The following TMEM255B variants were observed in gnomAD, a reference collection of about 807,000 sequenced individuals.
The protein encoded by TMEM255B is family with sequence similarity 70, member B.
Under a neutral mutation model 34.5 loss-of-function variants are expected in TMEM255B, and 35 were observed. The observed-to-expected ratio is 1.01, with a 90% CI of 0.77 to 1.34. The LOEUF (loss-of-function observed/expected upper bound fraction) is 1.34. Ranked by LOEUF, TMEM255B falls within the 40% of genes most tolerant of loss-of-function variation. The pLI is 0.00. For missense variants in TMEM255B, 432 were observed against 433.2 expected (o/e 1.00, Z 0.02); for synonymous variants, 206 against 201.2 (o/e 1.02, Z -0.20).
intron 3 of TMEM255B, among the ~76,000 whole-genome samples, chr13:113,792,506 C>A (rs7491716): frequency 0.41 from 61,953 of 152,118 alleles, 14,044 homozygotes; most frequent in East Asian, 0.72. Context: ...TTCCAGGACT[C>A]GTTCAGGCCT....
chr13:113,790,004 A>C (rs34186749), intron 3 of TMEM255B, among the ~76,000 whole-genome samples: 7 of 140,574 alleles, frequency 5.0e-5, no homozygotes, highest in African/African-American at 1.9e-4. Flanking sequence ...ACATCCTAGC[A>C]CTGGACTGAC....
At chr13:113,776,613 TCTG>T (rs1451007362) in intron 3 of TMEM255B, among the ~76,000 whole-genome samples, 2 of 152,330 alleles carry the variant, frequency 1.3e-5, no homozygotes, top group Admixed American at 6.5e-5. Flanking sequence ...CCTGTTTTTT[TCTG>T]CTGTCTGAGC....
chr13:113,796,391 AG>A, intron 4 of TMEM255B, among the ~76,000 whole-genome samples: 1 of 146,420 alleles, frequency 6.8e-6, no homozygotes, highest in Non-Finnish European at 1.5e-5. Context: ...CACACCACAC[AG>A]AGCACACACC....
chr13:113,797,536 C>A (rs1026877630), intron 4 of TMEM255B, among the ~76,000 whole-genome samples: 1 of 152,220 alleles, frequency 6.6e-6, no homozygotes, highest in Non-Finnish European at 1.5e-5. Context: ...GAGCCTCTGT[C>A]CCCTTGGGCT....
rs149328822 is a variant in TMEM255B, at chr13:113,759,787, C to T, written c.46+472C>T. ...CTTTTCCTGTTTGAACGTGCAGAGG[C>T]GCTCACAGAACTGGACAGTGTTGCT... is the stretch of plus-strand genomic sequence containing the variant. On this transcript the variant is annotated intron_variant, in intron 1 of 8. Transcript: ENST00000375353. 3.3e-3 allele frequency among the ~76,000 whole-genome samples: 502 copies of T among 152,284 alleles called. 2 individuals are homozygous for T. Among genetic ancestry groups the T allele is most frequent in the Non-Finnish European group, 4.7e-3 (323 of 68,022 alleles).
intron 5 of TMEM255B, chr13:113,799,976 G>C: frequency 7.9e-7 from 1 of 1,269,002 alleles, no homozygotes. Context: ...CTCAGCACGC[G>C]TGTCAGAGGA....
At chr13:113,761,532 G>A (rs1012754381) in intron 1 of TMEM255B, among the ~76,000 whole-genome samples, 1 of 152,124 alleles carries the variant, frequency 6.6e-6, no homozygotes, top group Admixed American at 6.5e-5. Flanking sequence ...AAAAATCAGC[G>A]CACTTGATAG....
At chr13:113,778,603 G>A (rs906282580) in intron 3 of TMEM255B, among the ~76,000 whole-genome samples, 1 of 150,852 alleles carries the variant, frequency 6.6e-6, no homozygotes, top group African/African-American at 2.4e-5. Context: ...CTTCTCCCGG[G>A]TGAGTCTCGA....
At position 113,811,824 on chromosome 13, in the gene TMEM255B, G is replaced by A; in HGVS notation, c.902G>A (p.Gly301Glu). The change falls in exon 9 of 9, where the codon GGG becomes GAG. Residue 301 changes from glycine (G) to glutamate (E), a missense_variant. Coordinates refer to ENST00000375353, the MANE Select transcript of TMEM255B (RefSeq NM_182614.4). ...CCTTCTCCAAGCAGCTCTGGCTCTG[G>A]GCTTCCCGGCCAGGCTCCACCGTGC... ...QPPSPSSSGS[G>E]LPGQAPPCYA... 1 of 1,613,914 alleles carries A rather than the reference G, an allele frequency of 6.2e-7. No homozygotes were observed. Among genetic ancestry groups the A allele is most frequent in the Middle Eastern group, 1.7e-4 (1 of 6,060 alleles).
At chr13:113,803,036 T>A (rs1230080108) in intron 7 of TMEM255B, 1 of 148,086 alleles carries the variant, frequency 6.8e-6, no homozygotes, top group Admixed American at 6.7e-5. Flanking sequence ...TCAGCGGCCG[T>A]CCCAGGAGGA....
Position 113,795,042 on chromosome 13 carries a change from G to A in TMEM255B, c.253-106G>A, listed in dbSNP as rs565913579. ...CGAAAGGTAGAGGTGAGAAGAGGCA[G>A]TTCTGTGAAAGAAGCCCCGACCTCG... On this transcript the variant is annotated intron_variant, in intron 3 of 8. Transcript: ENST00000375353. 30 of 992,238 alleles carry A rather than the reference G, an allele frequency of 3.0e-5. No individual in the cohort carries two copies. The East Asian group carries it at 7.6e-4, about 25-fold the overall frequency. 61.5% of individuals were successfully genotyped at this position (992,238 alleles called of 1,614,324 possible). A position where few individuals can be genotyped will look rare whatever the true frequency, so the allele number is the denominator to read the frequency against.
intron 2 of TMEM255B, 144 bp downstream of exon 2, chr13:113,766,401 C>G: frequency 8.4e-7 from 1 of 1,187,404 alleles, no homozygotes; most frequent in Middle Eastern, 1.9e-4. Flanking sequence ...GGGTTATGGC[C>G]CCCACAGACA....
At chr13:113,772,114 C>A (rs1355276199) in intron 3 of TMEM255B, among the ~76,000 whole-genome samples, 4 of 152,210 alleles carry the variant, frequency 2.6e-5, no homozygotes, top group African/African-American at 9.6e-5. Flanking sequence ...AGCATCTCTT[C>A]ATGTGCCTAT....
At chr13:113,768,079 C>T in intron 2 of TMEM255B, 1 of 412,876 alleles carries the variant, frequency 2.4e-6, no homozygotes. Context: ...AGTCCGGTTT[C>T]CAGTGCATTA....
intron 2 of TMEM255B, chr13:113,768,002 T>C (rs2050417010): frequency 6.4e-6 from 2 of 314,154 alleles, no homozygotes; most frequent in Non-Finnish European, 1.3e-5. Flanking sequence ...GAAAGCCACA[T>C]GTGTACGTGT....
chr13:113,785,469 G>A (rs768714142), intron 3 of TMEM255B, among the ~76,000 whole-genome samples: 9 of 152,172 alleles, frequency 5.9e-5, no homozygotes, highest in African/African-American at 1.9e-4. Context: ...TTTGCTCCTC[G>A]TCCTACCTCT....
At chr13:113,759,627 C>G (rs559609302) in intron 1 of TMEM255B, among the ~76,000 whole-genome samples, 2 of 152,196 alleles carry the variant, frequency 1.3e-5, no homozygotes, top group South Asian at 2.1e-4. Flanking sequence ...GTGTCCGTTC[C>G]TCTTGGCCTC....
chr13:113,759,677 C>T (rs746249373), intron 1 of TMEM255B, among the ~76,000 whole-genome samples: 1 of 152,220 alleles, frequency 6.6e-6, no homozygotes, highest in Non-Finnish European at 1.5e-5. Context: ...ACAGGCGCCC[C>T]AAAGTGCGCT....
Position 113,770,366 on chromosome 13 carries a change from C to T in TMEM255B, c.252+1206C>T, listed in dbSNP as rs760635884. ...CTTCCACCAGGTCCCTCCCACAACACATGAGGATCCAAGATGAGATTTGGG... is the reference window on the plus strand; with the variant it reads ...CTTCCACCAGGTCCCTCCCACAACATATGAGGATCCAAGATGAGATTTGGG... On this transcript the variant is annotated intron_variant, in intron 3 of 8. Coordinates refer to ENST00000375353, the MANE Select transcript of TMEM255B (RefSeq NM_182614.4). The surrounding 1 kb of genome is among the most constrained non-coding windows in gnomAD (Gnocchi z 4.6). Among the ~76,000 whole-genome samples the T allele has an allele frequency of 3.3e-5, 5 of 152,192 alleles. No homozygotes were observed. Among genetic ancestry groups the T allele is most frequent in the Non-Finnish European group, 5.9e-5 (4 of 68,038 alleles).
Sources: allele counts gnomAD v4.1 joint callset (sites outside exome capture counted in the v4.1 genomes callset), GRCh38; gene constraint gnomAD v4.1.1; non-coding constraint Gnocchi (gnomAD v3.1); transcripts MANE v1.5; gene names NCBI Gene and HGNC (gene_info 2026-07-23, HGNC 2026-07-21).